The following NAPA variants were observed in gnomAD, a reference collection of about 807,000 sequenced individuals.
The protein encoded by NAPA is alpha-soluble NSF attachment protein.
In NAPA, 18 loss-of-function variants were observed where a neutral mutation model predicts 48.0. The ratio of observed to expected loss-of-function variants is 0.38; its 90% CI spans 0.26 to 0.56. The LOEUF (loss-of-function observed/expected upper bound fraction) is 0.56, where lower values mean the gene tolerates loss of function less well. NAPA is among the 20% of genes least tolerant of loss of function. NAPA has a pLI of 0.77. For synonymous variants in NAPA, 152 were observed against 149.9 expected (o/e 1.01, Z -0.10); for missense variants, 315 against 385.0 (o/e 0.82, Z 1.52).
At position 47,493,710 on chromosome 19, in the gene NAPA, G is replaced by A. The variant is rs34664947; in HGVS notation, c.343-217C>T. ...CTGGCTATGCGTGCTGGGCTGAGCG[G>A]GTGATGTTGGACAAGCCACTCCAGG... On this transcript the variant is annotated intron_variant, in intron 4 of 10. Transcript: ENST00000263354. This position sits in a 1 kb window ranked among gnomAD's most constrained non-coding sequence, Gnocchi z 6.4. 6,437 of 567,350 alleles carry A rather than the reference G, an allele frequency of 0.011. 73 individuals carry two copies. Among genetic ancestry groups the A allele is most frequent in the Middle Eastern group, 0.035 (73 of 2,112 alleles). The allele number at this position is 567,350 out of a possible 1,614,324, so 35.1% of individuals were successfully genotyped here.
chr19:47,511,643 G>A (rs1968806670), intron 1 of NAPA, among the ~76,000 whole-genome samples: 1 of 152,212 alleles, frequency 6.6e-6, no homozygotes, highest in Admixed American at 6.5e-5. Flanking sequence ...GAAGGCTCTG[G>A]AATCACACAG....
At chr19:47,489,573 G>A (rs933796263) in intron 10 of NAPA, 138 bp downstream of exon 10, 14 of 943,714 alleles carry the variant, frequency 1.5e-5, no homozygotes, top group Admixed American at 2.2e-5. Context: ...TTTCTGGGGT[G>A]ACTGGAGAAA....
chr19:47,496,826 T>C, intron 3 of NAPA: 1 of 455,380 alleles, frequency 2.2e-6, no homozygotes, highest in Middle Eastern at 3.3e-4. Context: ...TTCTGACATG[T>C]AAACAGTGGG....
chr19:47,507,550 T>C (rs1203718906), intron 1 of NAPA, among the ~76,000 whole-genome samples: 1 of 152,210 alleles, frequency 6.6e-6, no homozygotes, highest in African/African-American at 2.4e-5. Flanking sequence ...CTCTTGCCTC[T>C]GTGGAAGCCA....
At chr19:47,494,631 G>A (rs1446391011) in intron 4 of NAPA, among the ~76,000 whole-genome samples, 1 of 150,556 alleles carries the variant, frequency 6.6e-6, no homozygotes, top group Non-Finnish European at 1.5e-5. Context: ...CCAGCTACTC[G>A]AGAGGCTAGG....
intron 1 of NAPA, among the ~76,000 whole-genome samples, chr19:47,507,230 T>G (rs1369799960): frequency 6.6e-6 from 1 of 152,124 alleles, no homozygotes; most frequent in African/African-American, 2.4e-5. Context: ...CCCGCTCAGC[T>G]TTGCTCTCTC....
chr19:47,492,422 C>T (rs1461202817), intron 7 of NAPA: 6 of 442,666 alleles, frequency 1.4e-5, no homozygotes, highest in African/African-American at 6.0e-5. Context: ...TCAGGACCAA[C>T]GGGAGGCTGG....
At chr19:47,490,059 AGGTGTGTGTGTGTGT>A (rs776545266) in intron 9 of NAPA, among the ~76,000 whole-genome samples, 3 of 129,948 alleles carry the variant, frequency 2.3e-5, no homozygotes, top group Non-Finnish European at 3.3e-5. Context: ...TGTGTGGTGG[AGGTGTGTGTGTGTGT>A]GGTGTGTGTG....
rs200788948 is a variant in NAPA at position 47,492,004 on chromosome 19, G to A, written c.666+11C>T. 2.5e-6 allele frequency: 4 copies of A among 1,611,926 alleles called. No homozygotes were observed. Among genetic ancestry groups the A allele is most frequent in the Non-Finnish European group, 3.4e-6 (4 of 1,178,268 alleles). On this transcript the variant is annotated intron_variant, in intron 8 of 10. Transcript: ENST00000263354. ...CTGGTGCGGTGGTCCTGCGGGCGTG[G>A]GGTGTGCTACCTTGGCGTTGAGCAT...
At chr19:47,509,032 C>T (rs920420725) in intron 1 of NAPA, among the ~76,000 whole-genome samples, 6 of 151,918 alleles carry the variant, frequency 3.9e-5, no homozygotes, top group Non-Finnish European at 8.8e-5. Context: ...GCTATGATCG[C>T]GCCACTGCCC....
chr19:47,491,475 C>T lies in NAPA; in HGVS notation c.666+540G>A, dbSNP rs377610688. On this transcript the variant is annotated intron_variant, in intron 8 of 10. Transcript: ENST00000263354. ...CTGCCAGGCAATGGTAAAAAAACTC[C>T]GGCCAAGCAAAATCTAGCGCCAACC... 1.3e-4 allele frequency: 20 copies of T among 154,272 alleles called. No individual in the cohort carries two copies. The East Asian group carries it at 1.3e-3, about 10-fold the overall frequency. 9.6% of individuals were successfully genotyped at this position (154,272 alleles called of 1,614,324 possible).
intron 7 of NAPA, chr19:47,492,342 T>A (rs1599895018): frequency 1.9e-6 from 1 of 524,814 alleles, no homozygotes; most frequent in South Asian, 2.3e-5. Context: ...TGGGTGGGGG[T>A]GGAGGCTGTA....
At chr19:47,499,004 T>C (rs925248672) in intron 3 of NAPA, among the ~76,000 whole-genome samples, 8 of 152,202 alleles carry the variant, frequency 5.3e-5, no homozygotes. Flanking sequence ...TCTGTGCAAG[T>C]TGGCCTCTGT....
At chr19:47,490,729 G>A (rs1968242171) in intron 9 of NAPA, 59 bp downstream of exon 9, 3 of 1,475,076 alleles carry the variant, frequency 2.0e-6, no homozygotes, top group Non-Finnish European at 2.8e-6. Flanking sequence ...CCCACCTGGA[G>A]CCCCAGCCAC....
chr19:47,504,751 A>G (rs988959608), intron 1 of NAPA, among the ~76,000 whole-genome samples: 4 of 152,162 alleles, frequency 2.6e-5, no homozygotes, highest in Admixed American at 2.0e-4. Context: ...ACACACACAC[A>G]TATTTTTAAG....
In NAPA at chr19:47,489,719, T is replaced by C; in HGVS notation, c.778A>G (p.Thr260Ala). 6.2e-7 allele frequency: 1 copy of C among 1,614,060 alleles called. No individual in the cohort carries two copies. Among genetic ancestry groups the C allele is most frequent in the Admixed American group, 1.7e-5 (1 of 60,024 alleles). Residue 260 changes from threonine (T) to alanine (A), a missense_variant, in exon 10 of 11, where the codon ACC becomes GCC. Physicochemically the swap from Thr to Ala is moderately conservative, Grantham distance 58. Coordinates refer to ENST00000263354, the MANE Select transcript of NAPA (RefSeq NM_003827.4). ...AHEEQNVDSY[T>A]ESVKEYDSIS... ...CCATGCTGGCCACTCACCGACTCGG[T>C]GTAGCTGTCCACATTCTGCTCCTCG...
chr19:47,510,492 C>T (rs1968785337), intron 1 of NAPA, among the ~76,000 whole-genome samples: 1 of 152,192 alleles, frequency 6.6e-6, no homozygotes, highest in Admixed American at 6.5e-5. Flanking sequence ...CCCACCACTT[C>T]CCACACATCG....
At chr19:47,513,176 C>CTCAT (rs1198267105) in intron 1 of NAPA, among the ~76,000 whole-genome samples, 3 of 152,206 alleles carry the variant, frequency 2.0e-5, no homozygotes, top group Non-Finnish European at 4.4e-5. Flanking sequence ...TGCCCAGAGC[C>CTCAT]TCATGCTCCT....
At chr19:47,504,561 C>A (rs1968654189) in intron 1 of NAPA, among the ~76,000 whole-genome samples, 2 of 151,982 alleles carry the variant, frequency 1.3e-5, no homozygotes, top group Admixed American at 6.6e-5. Context: ...GGGAGGCAGA[C>A]TTATTCACTG....
Sources: allele counts gnomAD v4.1 joint callset (sites outside exome capture counted in the v4.1 genomes callset), GRCh38; gene constraint gnomAD v4.1.1; non-coding constraint Gnocchi (gnomAD v3.1); transcripts MANE v1.5; gene names NCBI Gene and HGNC (gene_info 2026-07-23, HGNC 2026-07-21).